Variants in IL23R observed in about 807,000 individuals in gnomAD.
The protein encoded by IL23R is interleukin-23 receptor.
Under a neutral mutation model 56.9 loss-of-function variants are expected in IL23R, and 34 were observed. That is an observed-to-expected ratio of 0.60 (90% confidence interval 0.45 to 0.80). The LOEUF (loss-of-function observed/expected upper bound fraction) is 0.80. Ranked by LOEUF, IL23R falls within the 30% of genes least tolerant of loss-of-function variation. The pLI, the probability that IL23R is intolerant of heterozygous loss-of-function variation, is 0.00. For synonymous variants in IL23R, 230 were observed against 249.2 expected (o/e 0.92, Z 0.73); for missense variants, 635 against 730.0 (o/e 0.87, Z 1.50).
intron 4 of IL23R, among the ~76,000 whole-genome samples, chr1:67,195,706 C>T (rs1416749959): frequency 6.6e-6 from 1 of 152,152 alleles, no homozygotes; most frequent in East Asian, 1.9e-4. Flanking sequence ...GGAGGAGTTG[C>T]TCCTCACCCC....
chr1:67,222,008 T>TA (rs995821256), intron 7 of IL23R, among the ~76,000 whole-genome samples: 5 of 150,644 alleles, frequency 3.3e-5, no homozygotes, highest in South Asian at 2.1e-4. Flanking sequence ...TGCTTCTATT[T>TA]AAAAAAAATA....
downstream of IL23R, among the ~76,000 whole-genome samples, chr1:67,262,739 C>T (rs563916684): frequency 6.6e-6 from 1 of 152,210 alleles, no homozygotes; most frequent in South Asian, 2.1e-4. Flanking sequence ...CTGAGTCTCA[C>T]AATCTTTTAA....
At chr1:67,158,471 T>C (rs574707056) in intron 1 of IL23R, among the ~76,000 whole-genome samples, 37 of 152,306 alleles carry the variant, frequency 2.4e-4, no homozygotes, top group East Asian at 5.8e-4. Flanking sequence ...CTTATATTTA[T>C]ACCAATTTTA....
chr1:67,169,300 A>T, intron 2 of IL23R, 42 bp from the exon 3 acceptor site: 1 of 1,406,664 alleles, frequency 7.1e-7, no homozygotes, highest in Non-Finnish European at 1.0e-6. Flanking sequence ...CTCTTGATTT[A>T]ATGTTTTACG....
chr1:67,145,484 T>C (rs1190942459), intron 1 of IL23R, among the ~76,000 whole-genome samples: 5 of 152,222 alleles, frequency 3.3e-5, no homozygotes. Flanking sequence ...CTGTTTTCTG[T>C]GCTCCTGTGC....
intron 4 of IL23R, among the ~76,000 whole-genome samples, chr1:67,188,884 T>C (rs562040563): frequency 9.2e-5 from 14 of 152,212 alleles, no homozygotes; most frequent in African/African-American, 3.1e-4. Flanking sequence ...TACTATTACA[T>C]TGGGGTTTAA....
chr1:67,173,180 A>C (rs1646964810), intron 3 of IL23R, among the ~76,000 whole-genome samples: 1 of 152,140 alleles, frequency 6.6e-6, no homozygotes, highest in Non-Finnish European at 1.5e-5. Context: ...TGGATATTGA[A>C]TAACCTGGCA....
intron 7 of IL23R, among the ~76,000 whole-genome samples, chr1:67,235,777 A>G (rs371452727): frequency 3.9e-5 from 6 of 152,268 alleles, no homozygotes; most frequent in African/African-American, 7.2e-5. Flanking sequence ...AGACAGTCAC[A>G]TGGGCCACAC....
At chr1:67,221,216 G>A (rs1426313103) in intron 7 of IL23R, among the ~76,000 whole-genome samples, 2 of 151,916 alleles carry the variant, frequency 1.3e-5, no homozygotes, top group Non-Finnish European at 2.9e-5. Flanking sequence ...AGCTATTCAG[G>A]AGTCTGAGGC....
chr1:67,248,925 C>T (rs953520931), intron 9 of IL23R, among the ~76,000 whole-genome samples: 1 of 152,172 alleles, frequency 6.6e-6, no homozygotes, highest in Non-Finnish European at 1.5e-5. Context: ...GGAAATCCCC[C>T]AGCCCCTTGT....
chr1:67,205,808 T>C (rs556194617), intron 5 of IL23R, among the ~76,000 whole-genome samples: 4 of 152,302 alleles, frequency 2.6e-5, no homozygotes, highest in Admixed American at 2.6e-4. Context: ...TAAATATTCA[T>C]ATGTTTCCCT....
chr1:67,252,132 T>C (rs899476767), intron 9 of IL23R, among the ~76,000 whole-genome samples: 1 of 152,104 alleles, frequency 6.6e-6, no homozygotes, highest in Admixed American at 6.5e-5. Context: ...AAGCCTAATG[T>C]ATAAACTGGA....
rs1653117277 is a variant in IL23R at position 67,259,318 on chromosome 1, A to G, written c.*190A>G. ...GGGATTGCTGGGCCATATGATAAGC[A>G]TATGTTTCAGTTCTACCAATCTTGT... is the stretch of plus-strand genomic sequence containing the variant. On this transcript the variant is annotated 3_prime_UTR_variant, in exon 11 of 11. Coordinates refer to ENST00000347310, the MANE Select transcript of IL23R (RefSeq NM_144701.3). 2 of 610,550 alleles carry G rather than the reference A, an allele frequency of 3.3e-6. No individual in the cohort carries two copies. Among genetic ancestry groups the G allele is most frequent in the East Asian group, 2.9e-5 (1 of 34,614 alleles). The allele number at this position is 610,550 out of a possible 1,614,324, so 37.8% of individuals were successfully genotyped here. A position where few individuals can be genotyped will look rare whatever the true frequency, so the allele number is the denominator to read the frequency against.
chr1:67,242,563 G>A (rs1029266288), intron 9 of IL23R, among the ~76,000 whole-genome samples: 46 of 152,272 alleles, frequency 3.0e-4, no homozygotes, highest in African/African-American at 7.2e-4. Context: ...TACCTTAAGG[G>A]TTCCGATGGG....
chr1:67,206,827 C>G (rs1649098624), intron 5 of IL23R, 83 bp from the exon 6 acceptor site: 3 of 1,342,284 alleles, frequency 2.2e-6, no homozygotes, highest in Non-Finnish European at 3.0e-6. Context: ...TTTCTCATAT[C>G]TAGATATTGA....
intron 4 of IL23R, among the ~76,000 whole-genome samples, chr1:67,185,844 T>C (rs1647293089): frequency 6.6e-6 from 1 of 152,178 alleles, no homozygotes; most frequent in South Asian, 2.1e-4. Flanking sequence ...CAGGGATGGG[T>C]GGAATTGATT....
downstream of IL23R, among the ~76,000 whole-genome samples, chr1:67,263,796 G>A (rs1474168602): frequency 2.0e-5 from 3 of 151,782 alleles, no homozygotes; most frequent in Admixed American, 6.6e-5. Flanking sequence ...CCCAGGAGGT[G>A]GAGGTTGCAG....
chr1:67,183,451 C>T (rs978422428), intron 4 of IL23R, among the ~76,000 whole-genome samples: 3 of 152,172 alleles, frequency 2.0e-5, no homozygotes, highest in Non-Finnish European at 4.4e-5. Flanking sequence ...AGGAGAATTG[C>T]TTGAACCCAG....
upstream of IL23R, among the ~76,000 whole-genome samples, chr1:67,162,300 T>C (rs1433090354): frequency 6.6e-6 from 1 of 151,840 alleles, no homozygotes; most frequent in Non-Finnish European, 1.5e-5. Context: ...CCATCTCTAC[T>C]AAAAATATAA....
Sources: gnomAD v4.1 joint callset for allele counts (sites outside exome capture counted in the v4.1 genomes callset) on GRCh38, gnomAD v4.1.1 for gene constraint, MANE v1.5 for transcripts, NCBI Gene and HGNC (gene_info 2026-07-23, HGNC 2026-07-21) for gene names.